Variants in LRFN5 observed in about 807,000 individuals in gnomAD.
LRFN5 encodes leucine rich repeat and fibronectin type III domain containing 5, also known as leucine-rich repeat and fibronectin type-III domain-containing protein 5.
Under a neutral mutation model 45.6 loss-of-function variants are expected in LRFN5, and 24 were observed. That is an observed-to-expected ratio of 0.53 (90% CI 0.38 to 0.74). LRFN5 has a LOEUF of 0.74. Ranked by LOEUF, LRFN5 falls within the 30% of genes least tolerant of loss-of-function variation. LRFN5 has a pLI of 0.00. For missense variants in LRFN5, 776 were observed against 861.5 expected, an observed-to-expected ratio of 0.90 and a Z score of 1.24; for synonymous variants, 340 against 313.8, an observed-to-expected ratio of 1.08 and a Z score of -0.88.
chr14:41,844,917 T>C (rs537965763), intron 2 of LRFN5, among the ~76,000 whole-genome samples: 3 of 152,224 alleles, frequency 2.0e-5, no homozygotes, highest in African/African-American at 7.2e-5. Flanking sequence ...AAGAAATGGA[T>C]TTGAATATGA....
chr14:41,809,688 A>G (rs933645696), intron 2 of LRFN5, among the ~76,000 whole-genome samples: 1 of 151,584 alleles, frequency 6.6e-6, no homozygotes, highest in Non-Finnish European at 1.5e-5. Flanking sequence ...ACATATTTTT[A>G]TATTTAATAT....
At position 41,887,221 on chromosome 14, in the gene LRFN5, G is replaced by A. The variant is rs1890605341; in HGVS notation, c.596G>A (p.Arg199Gln). The A allele has an allele frequency of 3.7e-6, 6 of 1,614,066 alleles. No homozygotes were observed. Among genetic ancestry groups the A allele is most frequent in the East Asian group, 2.2e-5 (1 of 44,884 alleles). Reference sequence around the variant, plus strand: ...TTCTCCCATTTGCACAAGATGACTCGGTTAGATGTGACATCAAATAAATTG... The same window carrying A: ...TTCTCCCATTTGCACAAGATGACTCAGTTAGATGTGACATCAAATAAATTG... ...GTFSHLHKMT[R>Q]LDVTSNKLQK... Residue 199 changes from arginine (R) to glutamine (Q), a missense_variant, in exon 3 of 6, where the codon CGG becomes CAG. Arg to Gln is a conservative substitution (Grantham distance 43). Coordinates refer to ENST00000298119, the MANE Select transcript of LRFN5 (RefSeq NM_152447.5). This position sits in a 1 kb window ranked among gnomAD's most constrained non-coding sequence, Gnocchi z 4.8.
intron 1 of LRFN5, among the ~76,000 whole-genome samples, chr14:41,676,645 T>C (rs1881641778): frequency 6.6e-6 from 1 of 152,114 alleles, no homozygotes; most frequent in African/African-American, 2.4e-5. Context: ...CAGCATCCAC[T>C]TAAGAGCAAT....
chr14:41,650,805 A>T lies in LRFN5; in HGVS notation c.-197+42243A>T, dbSNP rs563751898. Among the ~76,000 whole-genome samples, 5 of 151,688 alleles carry T rather than the reference A, an allele frequency of 3.3e-5. No homozygotes were observed. The East Asian group carries it at 9.7e-4, about 30-fold the overall frequency. On this transcript the variant is annotated intron_variant, in intron 1 of 5. Transcript: ENST00000298119. Reference sequence around the variant, plus strand: ...ATCAAATATTTAAACCAACATGTTCACTAATATGCTCTTAAGTAAAAGTAG... The same window carrying T: ...ATCAAATATTTAAACCAACATGTTCTCTAATATGCTCTTAAGTAAAAGTAG...
At chr14:41,851,988 A>AG (rs917774525) in intron 2 of LRFN5, among the ~76,000 whole-genome samples, 1 of 151,506 alleles carries the variant, frequency 6.6e-6, no homozygotes, top group Non-Finnish European at 1.5e-5. Flanking sequence ...AATGCAGAAA[A>AG]AAAAAGAGAA....
intron 2 of LRFN5, among the ~76,000 whole-genome samples, chr14:41,867,910 G>C (rs567227864): frequency 4.6e-5 from 7 of 152,088 alleles, no homozygotes; most frequent in African/African-American, 1.7e-4. Flanking sequence ...AACTTTTGTA[G>C]GGGAGAGATC....
chr14:41,734,325 TATATATATATATATATATA>T (rs1884322897), intron 1 of LRFN5, among the ~76,000 whole-genome samples: 1 of 95,412 alleles, frequency 1.0e-5, no homozygotes, highest in Non-Finnish European at 2.3e-5. Context: ...TTTATATATA[TATATATATATATATATATA>T]TTTAAATTTG....
chr14:41,865,213 C>T (rs1889797105), intron 2 of LRFN5, among the ~76,000 whole-genome samples: 1 of 152,038 alleles, frequency 6.6e-6, no homozygotes, highest in Admixed American at 6.6e-5. Flanking sequence ...AAAAACCATA[C>T]TCATCAGAAC....
At chr14:41,888,630 TGTG>T (rs914010827) in intron 3 of LRFN5, among the ~76,000 whole-genome samples, 2 of 152,062 alleles carry the variant, frequency 1.3e-5, no homozygotes, top group African/African-American at 4.8e-5. Context: ...TTAAGGGGTA[TGTG>T]TGCGTGTGTC....
chr14:41,824,155 A>G (rs993006127), intron 2 of LRFN5, among the ~76,000 whole-genome samples: 1 of 152,068 alleles, frequency 6.6e-6, no homozygotes, highest in Non-Finnish European at 1.5e-5. Flanking sequence ...TGAATTATTT[A>G]TTTGGCATTT....
intron 2 of LRFN5, among the ~76,000 whole-genome samples, chr14:41,778,635 A>G (rs758297031): frequency 6.6e-6 from 1 of 151,940 alleles, no homozygotes; most frequent in East Asian, 1.9e-4. Context: ...AATAACTACA[A>G]TGTGAAGAAC....
intron 1 of LRFN5, among the ~76,000 whole-genome samples, chr14:41,752,332 A>G (rs1885170455): frequency 6.6e-6 from 1 of 152,194 alleles, no homozygotes; most frequent in African/African-American, 2.4e-5. Context: ...TCCCTGAGGA[A>G]TCGCCACACT....
intron 2 of LRFN5, among the ~76,000 whole-genome samples, chr14:41,851,077 A>G (rs894036434): frequency 6.6e-6 from 1 of 151,704 alleles, no homozygotes; most frequent in Non-Finnish European, 1.5e-5. Flanking sequence ...CAATTAATTT[A>G]ATTTCAAATA....
chr14:41,749,673 A>G (rs1228216689), intron 1 of LRFN5, among the ~76,000 whole-genome samples: 2 of 152,114 alleles, frequency 1.3e-5, no homozygotes, highest in African/African-American at 4.8e-5. Flanking sequence ...TTTGAGTGGG[A>G]GGAGGGAGAG....
chr14:41,634,026 A>G (rs900867018), intron 1 of LRFN5, among the ~76,000 whole-genome samples: 4 of 152,174 alleles, frequency 2.6e-5, no homozygotes, highest in African/African-American at 9.6e-5. Context: ...ATCGCCATAT[A>G]ATTATATTAT....
At chr14:41,783,776 A>G (rs1275625155) in intron 2 of LRFN5, among the ~76,000 whole-genome samples, 2 of 152,136 alleles carry the variant, frequency 1.3e-5, no homozygotes, top group Admixed American at 6.6e-5. Context: ...TTTGTAAATT[A>G]TACATGTTAT....
intron 1 of LRFN5, among the ~76,000 whole-genome samples, chr14:41,654,197 T>C (rs1212272911): frequency 1.3e-5 from 2 of 151,736 alleles, no homozygotes; most frequent in Admixed American, 6.6e-5. Context: ...TAAAGTATAA[T>C]AATAATAAAA....
chr14:41,694,815 G>A (rs942156453), intron 1 of LRFN5, among the ~76,000 whole-genome samples: 2 of 151,406 alleles, frequency 1.3e-5, no homozygotes, highest in Admixed American at 1.3e-4. Flanking sequence ...TTATTTTGGG[G>A]GACCAAAAAA....
At chr14:41,722,401 A>G (rs1227271141) in intron 1 of LRFN5, among the ~76,000 whole-genome samples, 1 of 152,128 alleles carries the variant, frequency 6.6e-6, no homozygotes, top group Non-Finnish European at 1.5e-5. Context: ...CCGGAGAGCT[A>G]GTGTGATCCA....
Sources: allele counts gnomAD v4.1 joint callset (sites outside exome capture counted in the v4.1 genomes callset), GRCh38; gene constraint gnomAD v4.1.1; non-coding constraint Gnocchi (gnomAD v3.1); transcripts MANE v1.5; gene names NCBI Gene and HGNC (gene_info 2026-07-23, HGNC 2026-07-21).